Variants in KIF6 observed in about 807,000 individuals in gnomAD.
KIF6 encodes the protein kinesin-like protein KIF6.
Under a neutral mutation model 112.7 loss-of-function variants are expected in KIF6, and 106 were observed. The observed-to-expected ratio is 0.94, with a 90% CI of 0.80 to 1.11. KIF6 has a LOEUF of 1.11. KIF6 is among the 50% of genes least tolerant of loss of function. The pLI, the probability that KIF6 is intolerant of heterozygous loss-of-function variation, is 0.00. For missense variants in KIF6, 929 were observed against 964.0 expected (o/e 0.96, Z 0.48); for synonymous variants, 339 against 339.9 (o/e 1.00, Z 0.03).
chr6:39,724,054 G>A (rs1006552133), intron 1 of KIF6, among the ~76,000 whole-genome samples: 5 of 152,180 alleles, frequency 3.3e-5, no homozygotes, highest in African/African-American at 1.2e-4. Context: ...GAGAATGAGA[G>A]ATAATGCAGA....
At chr6:39,601,344 T>C (rs910981647) in intron 6 of KIF6, among the ~76,000 whole-genome samples, 3 of 152,112 alleles carry the variant, frequency 2.0e-5, no homozygotes, top group African/African-American at 7.2e-5. Flanking sequence ...TATTTACTCT[T>C]GTCCCTTCCA....
At chr6:39,394,207 G>A (rs957059318) in intron 15 of KIF6, among the ~76,000 whole-genome samples, 2 of 152,034 alleles carry the variant, frequency 1.3e-5, no homozygotes, top group African/African-American at 4.8e-5. Flanking sequence ...AATAGAAAAT[G>A]TACTTTAATA....
At position 39,330,040 on chromosome 6, in the gene KIF6, G is replaced by A. The variant is rs1346013098; in HGVS notation, c.*6492C>T. 1.3e-5 allele frequency: 2 copies of A among 152,178 alleles called. No individual in the cohort carries two copies. The highest frequency in any genetic ancestry group is 4.8e-5 in the African/African-American group (2 of 41,430). The allele number at this position is 152,178 out of a possible 1,614,324, so 9.4% of individuals were successfully genotyped here. ...TAATTGGTTCACATGACGATTCTTT[G>A]TCCTATGATGTTAAGAGTCCATCAA... On this transcript the variant is annotated 3_prime_UTR_variant, in exon 23 of 23. Transcript: ENST00000287152.
At chr6:39,387,369 A>C (rs991457044) in intron 15 of KIF6, among the ~76,000 whole-genome samples, 2 of 152,168 alleles carry the variant, frequency 1.3e-5, no homozygotes, top group African/African-American at 2.4e-5. Flanking sequence ...AAACATCACC[A>C]GTCCTTAGGT....
intron 13 of KIF6, among the ~76,000 whole-genome samples, chr6:39,524,262 A>G (rs1777578847): frequency 6.6e-6 from 1 of 152,116 alleles, no homozygotes; most frequent in East Asian, 1.9e-4. Context: ...AATACAGCAT[A>G]TATTTTGTCA....
chr6:39,580,471 A>T (rs1781224161), intron 9 of KIF6, among the ~76,000 whole-genome samples: 1 of 151,824 alleles, frequency 6.6e-6, no homozygotes, highest in Non-Finnish European at 1.5e-5. Flanking sequence ...TATATATCTT[A>T]TTTCTTGTTA....
In KIF6 at chr6:39,336,562, AG is replaced by A. The variant is rs1231971670; in HGVS notation, c.2429-15del. ...TGCTTCCCAAACCTGAAAGGGAGACAGGATGCTTTTGGTTAGGCTGTGCATG... is the reference window on the plus strand; with the variant it reads ...TGCTTCCCAAACCTGAAAGGGAGACAGATGCTTTTGGTTAGGCTGTGCATG... On this transcript the variant is annotated splice_polypyrimidine_tract_variant and intron_variant, in intron 22 of 22. Transcript: ENST00000287152. 6.2e-7 allele frequency: 1 copy of A among 1,613,896 alleles called. No homozygotes were observed. The highest frequency in any genetic ancestry group is 1.7e-5 in the Admixed American group (1 of 60,022).
intron 3 of KIF6, among the ~76,000 whole-genome samples, chr6:39,679,614 C>CT (rs55936243): frequency 0.013 from 1,374 of 106,466 alleles, 27 homozygotes; most frequent in African/African-American, 0.042. Context: ...CTTTTCTTTT[C>CT]TTTTTTTTTT....
At chr6:39,551,377 G>A (rs1347847098) in intron 10 of KIF6, among the ~76,000 whole-genome samples, 2 of 152,128 alleles carry the variant, frequency 1.3e-5, no homozygotes, top group Non-Finnish European at 2.9e-5. Context: ...AGAGAGGATG[G>A]TTAATGGGTA....
chr6:39,545,469 T>G (rs1779020984), intron 11 of KIF6, 114 bp downstream of exon 11: 1 of 653,142 alleles, frequency 1.5e-6, no homozygotes, highest in Non-Finnish European at 2.7e-6. Context: ...CGTACCATTT[T>G]CTGGACATGC....
chr6:39,540,863 A>G (rs994416935), intron 12 of KIF6, among the ~76,000 whole-genome samples: 6 of 152,324 alleles, frequency 3.9e-5, no homozygotes, highest in African/African-American at 1.4e-4. Flanking sequence ...TTTAAAATGC[A>G]CCTTCTGTAG....
chr6:39,479,792 A>G (rs1310382599), intron 13 of KIF6, among the ~76,000 whole-genome samples: 1 of 150,442 alleles, frequency 6.6e-6, no homozygotes, highest in Non-Finnish European at 1.5e-5. Context: ...TTATTTTATT[A>G]TATTTTATTT....
intron 6 of KIF6, among the ~76,000 whole-genome samples, chr6:39,599,604 C>T (rs745851703): frequency 7.9e-5 from 12 of 152,138 alleles, no homozygotes; most frequent in African/African-American, 2.2e-4. Context: ...CATGTAAAAC[C>T]GCAAACTCAA....
At chr6:39,681,429 T>C (rs1287855610) in intron 3 of KIF6, among the ~76,000 whole-genome samples, 1 of 152,216 alleles carries the variant, frequency 6.6e-6, no homozygotes, top group African/African-American at 2.4e-5. Context: ...GATGTAGCTT[T>C]TTATGCTACA....
chr6:39,720,768 TC>T lies in KIF6; in HGVS notation c.109del (p.Glu37LysfsTer13). 1 of 1,607,724 alleles carries T rather than the reference TC, an allele frequency of 6.2e-7. No homozygotes were observed. The highest frequency in any genetic ancestry group is 2.2e-5 in the East Asian group (1 of 44,792). ...DEDEKLIPSL[E>X]IILPRDLADG... is the part of the protein sequence containing the mutation. The stretch of plus-strand genomic sequence containing the variant: ...TGCCAAATCACGTGGTAAGATGATT[TC>T]CAAGCTAGGTATTAATTTTTCATCT... On this transcript the variant is annotated frameshift_variant, in exon 2 of 23. Coordinates refer to ENST00000287152, the MANE Select transcript of KIF6 (RefSeq NM_145027.6). LOFTEE classifies it high-confidence loss of function.
chr6:39,528,550 T>C (rs541187414), intron 13 of KIF6, among the ~76,000 whole-genome samples: 22 of 152,304 alleles, frequency 1.4e-4, no homozygotes, highest in Non-Finnish European at 2.1e-4. Flanking sequence ...AACCTCCATA[T>C]AGTTTTCCAC....
chr6:39,378,826 G>A lies in KIF6; in HGVS notation c.1861+6796C>T, dbSNP rs1315518184. ...ATTTGAGAGAGAGGCCACAGCCCAC[G>A]TTCCTGGGGCTGGATTCTTCCAGTT... On this transcript the variant is annotated intron_variant, in intron 16 of 22. Transcript: ENST00000287152. The surrounding 1 kb of genome is among the most constrained non-coding windows in gnomAD (Gnocchi z 5.0). Among the ~76,000 whole-genome samples the A allele has an allele frequency of 6.6e-6, 1 of 152,200 alleles. No homozygotes were observed. The highest frequency in any genetic ancestry group is 2.4e-5 in the African/African-American group (1 of 41,444).
In KIF6 at chr6:39,337,211, C is replaced by CTTTCTTTCTT. The variant is rs1554195127; in HGVS notation, c.2429-673_2429-664dup. On this transcript the variant is annotated intron_variant, in intron 22 of 22. Coordinates refer to ENST00000287152, the MANE Select transcript of KIF6 (RefSeq NM_145027.6). ...TCTTTCTTTCTTTCTTTCTTTCTTT[C>CTTTCTTTCTT]TTTCTTTCTTTCTTTCTTTCTTTCT... is the stretch of plus-strand genomic sequence containing the variant. Among the ~76,000 whole-genome samples, 66 of 94,580 alleles carry CTTTCTTTCTT rather than the reference C, an allele frequency of 7.0e-4. 7 individuals carry two copies. Among genetic ancestry groups the CTTTCTTTCTT allele is most frequent in the African/African-American group, 4.9e-3 (61 of 12,462 alleles). The allele number at this position is 94,580 out of a possible 152,430, so 62.0% of individuals were successfully genotyped here. A position where few individuals can be genotyped will look rare whatever the true frequency, so the allele number is the denominator to read the frequency against.
At chr6:39,588,913 C>T (rs1233370565) in intron 7 of KIF6, among the ~76,000 whole-genome samples, 1 of 152,234 alleles carries the variant, frequency 6.6e-6, no homozygotes, top group African/African-American at 2.4e-5. Flanking sequence ...AGTCTCCCTG[C>T]TTCTACTTTT....
Sources: gnomAD v4.1 joint callset for allele counts (sites outside exome capture counted in the v4.1 genomes callset) on GRCh38, gnomAD v4.1.1 for gene constraint, Gnocchi (gnomAD v3.1) non-coding constraint, MANE v1.5 for transcripts, NCBI Gene and HGNC (gene_info 2026-07-23, HGNC 2026-07-21) for gene names.